VPS13C: variants seen among roughly 807,000 people sequenced by gnomAD.
VPS13C encodes the protein intermembrane lipid transfer protein VPS13C.
A neutral mutation model predicts 456.8 loss-of-function variants in VPS13C; 358 were observed. That is an observed-to-expected ratio of 0.78 (90% confidence interval 0.72 to 0.86). VPS13C has a LOEUF of 0.86. VPS13C is among the 40% of genes least tolerant of loss of function. The probability of loss-of-function intolerance (pLI) is 0.00; values close to 1 mark genes in which losing one functional copy is unlikely to be tolerated. For synonymous variants in VPS13C, 1,578 were observed against 1,486.7 expected (o/e 1.06, Z -1.41); for missense variants, 4,818 against 4,385.4 (o/e 1.10, Z -2.79).
chr15:61,868,708 A>T lies in VPS13C; in HGVS notation c.10814T>A (p.Ile3605Asn), dbSNP rs1894774167. 6.2e-7 allele frequency: 1 copy of T among 1,614,050 alleles called. No individual in the cohort carries two copies. Reference protein sequence around the residue: ...RPPRLIHEDGIIRPYDRQESE... With the variant: ...RPPRLIHEDGNIRPYDRQESE... The stretch of plus-strand genomic sequence containing the variant: ...TTCCTGTCTGTCATAAGGACGAATG[A>T]TGCCATCTTCATGGATCAGGCGAGG... The change falls in exon 81 of 85, where the codon ATC (isoleucine) becomes AAC (asparagine). Residue 3605 changes from isoleucine to asparagine, a missense_variant. Ile to Asn is a moderately radical substitution (Grantham distance 149). Transcript: ENST00000644861.
intron 3 of VPS13C, among the ~76,000 whole-genome samples, chr15:62,037,372 TTA>T (rs2048084275): frequency 1.2e-5 from 1 of 86,654 alleles, no homozygotes; most frequent in African/African-American, 4.1e-5. Flanking sequence ...ATATAATATA[TTA>T]TATATAAATG....
At chr15:61,898,262 T>A (rs1419493992) in intron 66 of VPS13C, among the ~76,000 whole-genome samples, 2 of 151,972 alleles carry the variant, frequency 1.3e-5, no homozygotes, top group Non-Finnish European at 2.9e-5. Context: ...ATATTAACTT[T>A]AAATGTAAAT....
chr15:61,997,969 A>C (rs1471245898), intron 16 of VPS13C, among the ~76,000 whole-genome samples: 1 of 152,164 alleles, frequency 6.6e-6, no homozygotes, highest in Non-Finnish European at 1.5e-5. Context: ...CAAAATCCAC[A>C]CAATGGCTTG....
At chr15:61,988,387 T>C (rs964008846) in intron 18 of VPS13C, among the ~76,000 whole-genome samples, 19 of 152,108 alleles carry the variant, frequency 1.2e-4, no homozygotes, top group African/African-American at 3.9e-4. Flanking sequence ...CTTATACCAA[T>C]CCAACAAAAG....
chr15:61,929,670 A>G lies in VPS13C; in HGVS notation c.6117T>C (p.Ser2039=). The change falls in exon 51 of 85, where the codon AGT becomes AGC. Residue 2039 remains serine, a synonymous_variant. Transcript: ENST00000644861. The part of the protein sequence containing the change: ...DISYKQDKNG[S]QIDAVLDKLY... ...GCTTGTCAAGAACAGCATCAATTTG[A>G]CTTCCATTTTTGTCTTGTTTGTAAC... The G allele has an allele frequency of 6.2e-7, 1 of 1,614,054 alleles. No individual in the cohort carries two copies. The highest frequency in any genetic ancestry group is 8.5e-7 in the Non-Finnish European group (1 of 1,179,980).
chr15:61,862,455 T>C (rs1200820666), intron 82 of VPS13C, among the ~76,000 whole-genome samples: 1 of 152,156 alleles, frequency 6.6e-6, no homozygotes, highest in Non-Finnish European at 1.5e-5. Context: ...CCAAATTGAT[T>C]CTCATTGCCC....
At chr15:62,002,218 G>A (rs895828350) in intron 15 of VPS13C, among the ~76,000 whole-genome samples, 1 of 152,174 alleles carries the variant, frequency 6.6e-6, no homozygotes, top group Admixed American at 6.5e-5. Flanking sequence ...ATTCTAACTG[G>A]TGTGAGATGG....
At chr15:61,875,387 A>C (rs1253788241) in intron 76 of VPS13C, among the ~76,000 whole-genome samples, 1 of 152,130 alleles carries the variant, frequency 6.6e-6, no homozygotes, top group Non-Finnish European at 1.5e-5. Flanking sequence ...GGAGGGGAAT[A>C]GGTTAGATGA....
rs1421591410 is a variant in VPS13C at position 61,915,974 on chromosome 15, G to T, written c.8104C>A (p.Leu2702Met). The T allele has an allele frequency of 6.2e-7, 1 of 1,612,646 alleles. No homozygotes were observed. Among genetic ancestry groups the T allele is most frequent in the African/African-American group, 1.3e-5 (1 of 75,006 alleles). Reference protein sequence around the residue: ...ELAEGSTADVLHSRISGEIME... With the variant: ...ELAEGSTADVMHSRISGEIME... ...ATTTCACCACTGATTCTCGAATGCA[G>T]AACATCAGCAGTACTGCCTTCTGCC... Residue 2702 changes from leucine (L) to methionine (M), a missense_variant, in exon 61 of 85, where the codon CTG becomes ATG. This residue lies in a region of VPS13C where 4,552 missense variants were observed against 4,130.6 expected (regional missense o/e 1.10). Coordinates refer to ENST00000644861, the MANE Select transcript of VPS13C (RefSeq NM_020821.3).
At chr15:62,013,179 T>G in intron 10 of VPS13C, 60 bp from the exon 11 acceptor site, 2 of 1,284,152 alleles carry the variant, frequency 1.6e-6, no homozygotes, top group South Asian at 3.0e-5. Flanking sequence ...GAATCAATAT[T>G]AAAAGATTAT....
intron 37 of VPS13C, among the ~76,000 whole-genome samples, chr15:61,957,074 A>G (rs1334033583): frequency 6.6e-6 from 1 of 151,886 alleles, no homozygotes; most frequent in African/African-American, 2.4e-5. Context: ...AAGAATGAAT[A>G]AAATAAATTT....
At chr15:61,912,706 T>C (rs2140151248) in intron 62 of VPS13C, among the ~76,000 whole-genome samples, 1 of 151,746 alleles carries the variant, frequency 6.6e-6, no homozygotes, top group Admixed American at 6.6e-5. Context: ...GTTAGTTACA[T>C]ATGTATACAT....
intron 73 of VPS13C, chr15:61,879,608 A>G (rs1351780137): frequency 6.6e-6 from 1 of 152,088 alleles, no homozygotes; most frequent in African/African-American, 2.4e-5. Context: ...TGTGCCTAAG[A>G]ACACGAATAG....
At position 61,999,284 on chromosome 15, in the gene VPS13C, C is replaced by A. The variant is rs535618745; in HGVS notation, c.1353+1280G>T. On this transcript the variant is annotated intron_variant, in intron 16 of 84. Coordinates refer to ENST00000644861, the MANE Select transcript of VPS13C (RefSeq NM_020821.3). ...GTCCCAGATACTCAGGAGGCTGAGA[C>A]AGGAGAATCGCTTGAAACCTGGGAG... 7.9e-5 allele frequency among the ~76,000 whole-genome samples: 12 copies of A among 151,418 alleles called. No homozygotes were observed. In the South Asian group the frequency reaches 2.5e-3, roughly 32 times the overall value.
chr15:61,946,226 G>C, intron 44 of VPS13C, 81 bp downstream of exon 44: 1 of 1,069,532 alleles, frequency 9.3e-7, no homozygotes, highest in Non-Finnish European at 1.3e-6. Context: ...GATAATAAAT[G>C]TATACTGTGC....
chr15:61,930,535 T>A (rs1191871024), intron 50 of VPS13C, among the ~76,000 whole-genome samples: 2 of 152,186 alleles, frequency 1.3e-5, no homozygotes, highest in Non-Finnish European at 2.9e-5. Context: ...AAATATTATG[T>A]CTCATTACTT....
intron 65 of VPS13C, among the ~76,000 whole-genome samples, 181 bp from the exon 66 acceptor site, chr15:61,907,571 G>A (rs573572587): frequency 2.0e-5 from 3 of 152,142 alleles, no homozygotes; most frequent in Middle Eastern, 3.4e-3. Context: ...TTTTAAGCTC[G>A]GGGAAACAGA....
intron 38 of VPS13C, among the ~76,000 whole-genome samples, chr15:61,953,923 A>C (rs1209832673): frequency 6.6e-6 from 1 of 152,068 alleles, no homozygotes; most frequent in South Asian, 2.1e-4. Flanking sequence ...ATGAGTTCAG[A>C]CTCTACGCCT....
At chr15:62,058,332 G>GT in intron 1 of VPS13C, among the ~76,000 whole-genome samples, 1 of 152,152 alleles carries the variant, frequency 6.6e-6, no homozygotes, top group East Asian at 1.9e-4. Flanking sequence ...TTCCTTAAAT[G>GT]TGTCTTTCTT....
Sources: allele counts gnomAD v4.1 joint callset (sites outside exome capture counted in the v4.1 genomes callset), GRCh38; gene constraint gnomAD v4.1.1; regional missense constraint gnomAD v4.1.1; transcripts MANE v1.5; gene names NCBI Gene and HGNC (gene_info 2026-07-23, HGNC 2026-07-21).